Variants in CNTNAP2 observed in about 807,000 individuals in gnomAD.
CNTNAP2 encodes the protein contactin-associated protein-like 2.
In CNTNAP2, 98 loss-of-function variants were observed where a neutral mutation model predicts 155.2. That is an observed-to-expected ratio of 0.63 (90% CI 0.54 to 0.75). CNTNAP2 has a LOEUF of 0.75. Ranked by LOEUF, CNTNAP2 falls within the 30% of genes least tolerant of loss-of-function variation. CNTNAP2 has a pLI of 0.00. For missense variants in CNTNAP2, 1,727 were observed against 1,688.1 expected (o/e 1.02, Z -0.40); for synonymous variants, 651 against 631.2 (o/e 1.03, Z -0.47).
intron 1 of CNTNAP2, among the ~76,000 whole-genome samples, chr7:146,239,495 G>A (rs1217877231): frequency 2.0e-5 from 3 of 152,208 alleles, no homozygotes; most frequent in African/African-American, 4.8e-5. Context: ...TGTGATAGTT[G>A]ATAGGATAAC....
At chr7:148,187,128 ACACACACACACACACACAC>A (rs1795128449) in intron 18 of CNTNAP2, among the ~76,000 whole-genome samples, 1 of 150,926 alleles carries the variant, frequency 6.6e-6, no homozygotes, top group African/African-American at 2.5e-5. Flanking sequence ...ACACACACAC[ACACACACACACACACACAC>A]AAACAGAGCC....
intron 11 of CNTNAP2, among the ~76,000 whole-genome samples, chr7:147,532,260 A>C (rs1168818369): frequency 1.3e-5 from 2 of 152,090 alleles, no homozygotes; most frequent in Non-Finnish European, 2.9e-5. Context: ...CCGTAAATCA[A>C]CTCTCTCAAG....
At chr7:148,232,468 A>G (rs1795981309) in intron 20 of CNTNAP2, among the ~76,000 whole-genome samples, 1 of 152,184 alleles carries the variant, frequency 6.6e-6, no homozygotes, top group Admixed American at 6.5e-5. Context: ...CAATGGTTTG[A>G]TTTCCTCTAG....
At chr7:147,495,728 A>G (rs1563227215) in intron 11 of CNTNAP2, among the ~76,000 whole-genome samples, 1 of 152,208 alleles carries the variant, frequency 6.6e-6, no homozygotes, top group Non-Finnish European at 1.5e-5. Context: ...ATAACTTCAG[A>G]TGCTATTCTT....
At chr7:148,242,105 G>T (rs563849217) in intron 20 of CNTNAP2, among the ~76,000 whole-genome samples, 1 of 152,242 alleles carries the variant, frequency 6.6e-6, no homozygotes, top group Admixed American at 6.5e-5. Flanking sequence ...AAGGTTCCTG[G>T]ATTTCTATTT....
intron 3 of CNTNAP2, among the ~76,000 whole-genome samples, chr7:146,863,639 A>G (rs959889365): frequency 1.3e-5 from 2 of 152,094 alleles, no homozygotes; most frequent in Non-Finnish European, 2.9e-5. Context: ...GTACTATGCT[A>G]TTTGCTTCCC....
At chr7:147,395,348 A>G (rs2116453274) in intron 9 of CNTNAP2, among the ~76,000 whole-genome samples, 1 of 152,162 alleles carries the variant, frequency 6.6e-6, no homozygotes, top group Admixed American at 6.6e-5. Flanking sequence ...GATGATGTCA[A>G]AAGAGAAAAT....
chr7:147,574,928 T>C (rs1007214741), intron 12 of CNTNAP2, among the ~76,000 whole-genome samples: 1 of 152,154 alleles, frequency 6.6e-6, no homozygotes, highest in Non-Finnish European at 1.5e-5. Context: ...CTCCTTACTT[T>C]ATTAATTACT....
In CNTNAP2 at chr7:146,985,484, A is replaced by ATT. The variant is rs36058852; in HGVS notation, c.403-58415_403-58414dup. Among the ~76,000 whole-genome samples, 7 of 150,318 alleles carry ATT rather than the reference A, an allele frequency of 4.7e-5. No individual in the cohort carries two copies. The South Asian group carries it at 8.4e-4, about 18-fold the overall frequency. ...AGGCGCCTGCCACCATGCCCGGCTAATTTTTTTTTGTATTTTTAGTAGAGA... is the reference window on the plus strand; with the variant it reads ...AGGCGCCTGCCACCATGCCCGGCTAATTTTTTTTTTTGTATTTTTAGTAGAGA... On this transcript the variant is annotated intron_variant, in intron 3 of 23. Coordinates refer to ENST00000361727, the MANE Select transcript of CNTNAP2 (RefSeq NM_014141.6).
intron 12 of CNTNAP2, among the ~76,000 whole-genome samples, chr7:147,585,744 A>C (rs1800607117): frequency 6.8e-6 from 1 of 146,324 alleles, no homozygotes; most frequent in African/African-American, 2.6e-5. Flanking sequence ...CCTCTCTAAA[A>C]GTGTGTGTGT....
chr7:148,085,421 T>G lies in CNTNAP2; in HGVS notation c.2384-32697T>G, dbSNP rs545360618. ...AAAATAGTTTTTTATTCTCACAAGT[T>G]TAAAGGCCTTGTAAAATCTCTTCTA... On this transcript the variant is annotated intron_variant, in intron 15 of 23. Transcript: ENST00000361727. Among the ~76,000 whole-genome samples the G allele has an allele frequency of 3.3e-5, 5 of 152,288 alleles. No individual in the cohort carries two copies. The East Asian group carries it at 9.6e-4, about 29-fold the overall frequency.
chr7:146,510,036 C>T (rs1262309267), intron 1 of CNTNAP2, among the ~76,000 whole-genome samples: 1 of 152,226 alleles, frequency 6.6e-6, no homozygotes, highest in East Asian at 1.9e-4. Context: ...ATCCTGCTGA[C>T]TACACCAATT....
intron 4 of CNTNAP2, among the ~76,000 whole-genome samples, chr7:147,083,552 A>G (rs372990110): frequency 4.9e-4 from 62 of 127,710 alleles, no homozygotes; most frequent in Admixed American, 3.1e-3. Context: ...ATATATATGT[A>G]TATATATATA....
rs577421457 is a variant in CNTNAP2 at position 146,998,643 on chromosome 7, A to G, written c.403-45264A>G. Among the ~76,000 whole-genome samples, 3 of 151,764 alleles carry G rather than the reference A, an allele frequency of 2.0e-5. No homozygotes were observed. In the South Asian group the frequency reaches 6.2e-4, roughly 32 times the overall value. ...TGAAAGTGAGGTGATGAAGTCGCTTACTCTTAGTGTATTTCAGCCTATCGC... is the reference window on the plus strand; with the variant it reads ...TGAAAGTGAGGTGATGAAGTCGCTTGCTCTTAGTGTATTTCAGCCTATCGC... On this transcript the variant is annotated intron_variant, in intron 3 of 23. Coordinates refer to ENST00000361727, the MANE Select transcript of CNTNAP2 (RefSeq NM_014141.6).
chr7:147,095,246 G>A (rs995730444), intron 4 of CNTNAP2, among the ~76,000 whole-genome samples: 1 of 147,824 alleles, frequency 6.8e-6, no homozygotes, highest in African/African-American at 2.5e-5. Context: ...ATGTTGGTCA[G>A]GCTGGTCTCG....
intron 15 of CNTNAP2, among the ~76,000 whole-genome samples, chr7:148,026,971 GTTT>G (rs1427125946): frequency 1.3e-5 from 2 of 150,864 alleles, no homozygotes; most frequent in African/African-American, 2.5e-5. Flanking sequence ...TGTTGTTGTT[GTTT>G]TTTTCTGAGC....
chr7:147,993,640 T>C (rs1801753229), intron 15 of CNTNAP2, among the ~76,000 whole-genome samples: 1 of 152,222 alleles, frequency 6.6e-6, no homozygotes, highest in Non-Finnish European at 1.5e-5. Context: ...CTCTGAACTT[T>C]AGATGGCCAT....
intron 13 of CNTNAP2, among the ~76,000 whole-genome samples, chr7:147,786,955 C>T (rs535164963): frequency 6.6e-6 from 1 of 151,512 alleles, no homozygotes; most frequent in South Asian, 2.1e-4. Flanking sequence ...GACAACAGGC[C>T]ACTATCCTGT....
At chr7:148,365,529 G>A (rs1413092265) in intron 21 of CNTNAP2, among the ~76,000 whole-genome samples, 1 of 151,974 alleles carries the variant, frequency 6.6e-6, no homozygotes, top group Non-Finnish European at 1.5e-5. Flanking sequence ...GCCAGGCATG[G>A]TAGAATGTGC....
Sources: gnomAD v4.1 joint callset for allele counts (sites outside exome capture counted in the v4.1 genomes callset) on GRCh38, gnomAD v4.1.1 for gene constraint, MANE v1.5 for transcripts, NCBI Gene and HGNC (gene_info 2026-07-23, HGNC 2026-07-21) for gene names.